The following CD58 variants were observed in gnomAD, a reference collection of about 807,000 sequenced individuals.
CD58 encodes lymphocyte function-associated antigen 3.
In CD58, 14 loss-of-function variants were observed where a neutral mutation model predicts 27.6. The ratio of observed to expected loss-of-function variants is 0.51; its 90% CI spans 0.34 to 0.79. The LOEUF (loss-of-function observed/expected upper bound fraction) is 0.79. Among genes scored for constraint, CD58 ranks in the 30% least tolerant of loss-of-function variants. CD58 has a pLI of 0.02. For missense variants in CD58, 268 were observed against 301.7 expected, an observed-to-expected ratio of 0.89 and a Z score of 0.83; for synonymous variants, 117 against 103.8, an observed-to-expected ratio of 1.13 and a Z score of -0.77.
intron 1 of CD58, among the ~76,000 whole-genome samples, chr1:116,564,411 C>T (rs1658864403): frequency 6.6e-6 from 1 of 152,238 alleles, no homozygotes; most frequent in Admixed American, 6.5e-5. Flanking sequence ...TTTCAGGTAT[C>T]TTTGCAGCAG....
intron 2 of CD58, among the ~76,000 whole-genome samples, chr1:116,539,966 C>T (rs972147886): frequency 6.6e-6 from 1 of 152,136 alleles, no homozygotes; most frequent in Admixed American, 6.5e-5. Context: ...TATCTGATGA[C>T]ATTTTATAGA....
rs1367915029 is a variant in CD58, at chr1:116,524,355, A to C, written c.629-2372T>G. ...ACACTGGTCACTCAAATCTGGGTCC[A>C]AGAACCAAGAAGCATGCAAATTGCT... On this transcript the variant is annotated intron_variant, in intron 3 of 5. Transcript: ENST00000369489. This position sits in a 1 kb window ranked among gnomAD's most constrained non-coding sequence, Gnocchi z 4.6. Among the ~76,000 whole-genome samples the C allele has an allele frequency of 1.3e-5, 2 of 152,232 alleles. No homozygotes were observed. Among genetic ancestry groups the C allele is most frequent in the East Asian group, 3.8e-4 (2 of 5,202 alleles).
chr1:116,567,865 T>A (rs1337590290), intron 1 of CD58, among the ~76,000 whole-genome samples: 1 of 152,070 alleles, frequency 6.6e-6, no homozygotes, highest in East Asian at 1.9e-4. Context: ...TCCAATAATG[T>A]GACAAACAGA....
chr1:116,537,537 T>G (rs879338924), intron 2 of CD58, among the ~76,000 whole-genome samples: 1 of 152,200 alleles, frequency 6.6e-6, no homozygotes, highest in Non-Finnish European at 1.5e-5. Context: ...TAATAGGCAG[T>G]GCAGGGAGCA....
rs950797088 is a variant in CD58, at chr1:116,546,968, T to C, written c.71-2364A>G. On this transcript the variant is annotated intron_variant, in intron 1 of 5. Coordinates refer to ENST00000369489, the MANE Select transcript of CD58 (RefSeq NM_001779.3). The surrounding 1 kb of genome is among the most constrained non-coding windows in gnomAD (Gnocchi z 4.1). ...ATGATCCACTTTCACTTAGTAAGTA[T>C]ATTTTCTTCCTTATGCTTTTTTTTC... Among the ~76,000 whole-genome samples the C allele has an allele frequency of 1.3e-5, 2 of 152,194 alleles. No homozygotes were observed. Among genetic ancestry groups the C allele is most frequent in the African/African-American group, 4.8e-5 (2 of 41,434 alleles).
chr1:116,526,910 T>C (rs1657448567), intron 3 of CD58, among the ~76,000 whole-genome samples: 1 of 152,260 alleles, frequency 6.6e-6, no homozygotes, highest in South Asian at 2.1e-4. Flanking sequence ...ATTTTGTTAT[T>C]GTACCTAAGT....
At chr1:116,542,787 A>T (rs1012206432) in intron 2 of CD58, among the ~76,000 whole-genome samples, 1 of 152,214 alleles carries the variant, frequency 6.6e-6, no homozygotes, top group Non-Finnish European at 1.5e-5. Flanking sequence ...GTCCATTCAT[A>T]TCAGGAGAGA....
At chr1:116,529,332 T>C (rs1475016576) in intron 3 of CD58, among the ~76,000 whole-genome samples, 2 of 152,208 alleles carry the variant, frequency 1.3e-5, no homozygotes, top group Non-Finnish European at 2.9e-5. Flanking sequence ...GATAAGGAGA[T>C]AAGGAGGAGC....
rs148095322 is a variant in CD58, at chr1:116,522,173, T to C, written c.629-190A>G. Among the ~76,000 whole-genome samples the C allele has an allele frequency of 5.3e-3, 812 of 152,328 alleles. 10 individuals carry two copies. Among genetic ancestry groups the C allele is most frequent in the African/African-American group, 0.018 (753 of 41,576 alleles). ...AACTTTGAGTCACCCAATAAGCAGA[T>C]TCCCAGCAGAGGTGGAAAAAGGTAA... is the stretch of plus-strand genomic sequence containing the variant. On this transcript the variant is annotated intron_variant, in intron 3 of 5. Transcript: ENST00000369489. The surrounding 1 kb of genome is among the most constrained non-coding windows in gnomAD (Gnocchi z 4.6).
In CD58 at chr1:116,517,096, G is replaced by A. The variant is rs980548770; in HGVS notation, c.743+2135C>T. On this transcript the variant is annotated intron_variant, in intron 5 of 5. Coordinates refer to ENST00000369489, the MANE Select transcript of CD58 (RefSeq NM_001779.3). This position sits in a 1 kb window ranked among gnomAD's most constrained non-coding sequence, Gnocchi z 6.5. ...CCCCCCTACCCCCATCATTGGTAGT[G>A]ATGGCTATGCCTCCCCCATCCACTC... 2.0e-5 allele frequency among the ~76,000 whole-genome samples: 3 copies of A among 151,710 alleles called. No individual in the cohort carries two copies. The highest frequency in any genetic ancestry group is 7.3e-5 in the African/African-American group (3 of 41,250).
chr1:116,525,029 G>T (rs771971511), intron 3 of CD58, among the ~76,000 whole-genome samples: 4 of 152,110 alleles, frequency 2.6e-5, no homozygotes, highest in Non-Finnish European at 4.4e-5. Flanking sequence ...CACCAGAGTG[G>T]TACATTTTTT....
chr1:116,565,697 T>C (rs1658906429), intron 1 of CD58, among the ~76,000 whole-genome samples: 1 of 151,220 alleles, frequency 6.6e-6, no homozygotes, highest in African/African-American at 2.4e-5. Context: ...AGAATCCAAA[T>C]AACTTTTTTT....
Position 116,542,072 on chromosome 1 carries a change from A to G in CD58, c.364+2239T>C, listed in dbSNP as rs533197023. ...GGCAGGTGGATCACCTGAGGTCAGGAGTTCAAGACCAGCCTGACCAACATG... is the reference window on the plus strand; with the variant it reads ...GGCAGGTGGATCACCTGAGGTCAGGGGTTCAAGACCAGCCTGACCAACATG... On this transcript the variant is annotated intron_variant, in intron 2 of 5. Coordinates refer to ENST00000369489, the MANE Select transcript of CD58 (RefSeq NM_001779.3). 7.9e-5 allele frequency among the ~76,000 whole-genome samples: 12 copies of G among 152,360 alleles called. No individual in the cohort carries two copies. The South Asian group carries it at 2.1e-3, about 26-fold the overall frequency.
rs932013226 is a variant in CD58, at chr1:116,570,366, T to G, written c.70+537A>C. On this transcript the variant is annotated intron_variant, in intron 1 of 5. Coordinates refer to ENST00000369489, the MANE Select transcript of CD58 (RefSeq NM_001779.3). This position sits in a 1 kb window ranked among gnomAD's most constrained non-coding sequence, Gnocchi z 6.4. ...TGAGGCCGCTGCCGACTGGGCTTCC[T>G]AGTTGCCTACCCGCTCCTCGCTGTG... is the stretch of plus-strand genomic sequence containing the variant. Among the ~76,000 whole-genome samples, 6 of 152,170 alleles carry G rather than the reference T, an allele frequency of 3.9e-5. No homozygotes were observed. The highest frequency in any genetic ancestry group is 1.4e-4 in the African/African-American group (6 of 41,448).
chr1:116,544,021 G>C lies in CD58; in HGVS notation c.364+290C>G, dbSNP rs1226822231. ...CTTTATAGAGTAACATCTATCAGTGGAGCCCAAAGAGTTCTAAGCTAACTG... is the reference window on the plus strand; with the variant it reads ...CTTTATAGAGTAACATCTATCAGTGCAGCCCAAAGAGTTCTAAGCTAACTG... On this transcript the variant is annotated intron_variant, in intron 2 of 5. Transcript: ENST00000369489. 3.3e-5 allele frequency among the ~76,000 whole-genome samples: 5 copies of C among 152,126 alleles called. No individual in the cohort carries two copies. The East Asian group carries it at 9.6e-4, about 29-fold the overall frequency.
At position 116,531,826 on chromosome 1, in the gene CD58, T is replaced by C. The variant is rs779734553; in HGVS notation, c.628+4139A>G. Among the ~76,000 whole-genome samples, 6 of 152,236 alleles carry C rather than the reference T, an allele frequency of 3.9e-5. No individual in the cohort carries two copies. Among genetic ancestry groups the C allele is most frequent in the Non-Finnish European group, 8.8e-5 (6 of 68,044 alleles). On this transcript the variant is annotated intron_variant, in intron 3 of 5. Coordinates refer to ENST00000369489, the MANE Select transcript of CD58 (RefSeq NM_001779.3). This position sits in a 1 kb window ranked among gnomAD's most constrained non-coding sequence, Gnocchi z 4.5. ...AAATTGAAAACACTGTATTCAGTTA[T>C]AAATGTGTTCTAAGGTTAGGCTGAG...
rs1260644859 is a variant in CD58, at chr1:116,570,566, G to C, written c.70+337C>G. ...TTTGCAGTCCGCTGAAGCGCTCAGC[G>C]ACGTTACTGGGGAAGCCCAGGAAGG... On this transcript the variant is annotated intron_variant, in intron 1 of 5. Coordinates refer to ENST00000369489, the MANE Select transcript of CD58 (RefSeq NM_001779.3). This position sits in a 1 kb window ranked among gnomAD's most constrained non-coding sequence, Gnocchi z 6.4. Among the ~76,000 whole-genome samples the C allele has an allele frequency of 2.6e-5, 4 of 152,156 alleles. No homozygotes were observed. The South Asian group carries it at 8.3e-4, about 32-fold the overall frequency.
rs1333390343 is a variant in CD58, at chr1:116,541,333, A to G, written c.364+2978T>C. 6.6e-6 allele frequency among the ~76,000 whole-genome samples: 1 copy of G among 152,244 alleles called. No individual in the cohort carries two copies. The highest frequency in any genetic ancestry group is 2.4e-5 in the African/African-American group (1 of 41,470). On this transcript the variant is annotated intron_variant, in intron 2 of 5. Coordinates refer to ENST00000369489, the MANE Select transcript of CD58 (RefSeq NM_001779.3). This position sits in a 1 kb window ranked among gnomAD's most constrained non-coding sequence, Gnocchi z 5.3. ...TTTCAAGGAAATCTTCTAAGAGGAT[A>G]CTTTGACATCTTAGCAAGCTGTATT...
At position 116,521,227 on chromosome 1, in the gene CD58, C is replaced by T. The variant is rs908344994; in HGVS notation, c.706+679G>A. ...TATCACTTGTAGAAAGTTTACTCTT[C>T]GGCATTCCCTGTCTGGCATATTTCC... On this transcript the variant is annotated intron_variant, in intron 4 of 5. Coordinates refer to ENST00000369489, the MANE Select transcript of CD58 (RefSeq NM_001779.3). This position sits in a 1 kb window ranked among gnomAD's most constrained non-coding sequence, Gnocchi z 5.6. Among the ~76,000 whole-genome samples, 4 of 152,146 alleles carry T rather than the reference C, an allele frequency of 2.6e-5. No individual in the cohort carries two copies. Among genetic ancestry groups the T allele is most frequent in the Non-Finnish European group, 5.9e-5 (4 of 68,026 alleles).
Sources: gnomAD v4.1 joint callset for allele counts (sites outside exome capture counted in the v4.1 genomes callset) on GRCh38, gnomAD v4.1.1 for gene constraint, Gnocchi (gnomAD v3.1) non-coding constraint, MANE v1.5 for transcripts, NCBI Gene and HGNC (gene_info 2026-07-23, HGNC 2026-07-21) for gene names.